The following CNTNAP2 variants were observed in gnomAD, a reference collection of about 807,000 sequenced individuals.
The protein encoded by CNTNAP2 is contactin associated protein 2.
In CNTNAP2, 98 loss-of-function variants were observed where a neutral mutation model predicts 155.2. That is an observed-to-expected ratio of 0.63 (90% CI 0.54 to 0.75). CNTNAP2 has a LOEUF of 0.75. CNTNAP2 is among the 30% of genes least tolerant of loss of function. The pLI is 0.00. For synonymous variants in CNTNAP2, 651 were observed against 631.2 expected (o/e 1.03, Z -0.47); for missense variants, 1,727 against 1,688.1 (o/e 1.02, Z -0.40).
chr7:147,577,649 C>T (rs566842461), intron 12 of CNTNAP2, among the ~76,000 whole-genome samples: 40 of 151,960 alleles, frequency 2.6e-4, no homozygotes, highest in African/African-American at 8.9e-4. Context: ...CTGTCTTTTG[C>T]TTCAATATCT....
intron 8 of CNTNAP2, among the ~76,000 whole-genome samples, chr7:147,255,242 C>T (rs1202564899): frequency 6.6e-6 from 1 of 152,128 alleles, no homozygotes; most frequent in Non-Finnish European, 1.5e-5. Flanking sequence ...CACACAAACA[C>T]ACACAGTCTT....
chr7:146,543,408 C>G (rs1405174), intron 1 of CNTNAP2, among the ~76,000 whole-genome samples: 5,021 of 151,828 alleles, frequency 0.033, 294 homozygotes, highest in African/African-American at 0.11. Flanking sequence ...CCTCATTCCC[C>G]TTTCCATTCA....
chr7:147,456,262 A>G (rs1432219782), intron 10 of CNTNAP2, among the ~76,000 whole-genome samples: 2 of 152,120 alleles, frequency 1.3e-5, no homozygotes, highest in African/African-American at 4.8e-5. Flanking sequence ...AAAGAAAGCA[A>G]TTAGAGGCCT....
chr7:146,422,146 A>G (rs1031414158), intron 1 of CNTNAP2, among the ~76,000 whole-genome samples: 1 of 151,276 alleles, frequency 6.6e-6, no homozygotes, highest in African/African-American at 2.4e-5. Context: ...TTTTACATGC[A>G]TGAATTATAT....
intron 1 of CNTNAP2, among the ~76,000 whole-genome samples, chr7:146,160,812 A>C (rs1798209282): frequency 6.6e-6 from 1 of 152,224 alleles, no homozygotes; most frequent in Admixed American, 6.5e-5. Flanking sequence ...AAACTATTCC[A>C]ATCAACAGAA....
intron 1 of CNTNAP2, among the ~76,000 whole-genome samples, chr7:146,710,399 C>G (rs1342615763): frequency 6.6e-6 from 1 of 152,164 alleles, no homozygotes; most frequent in Non-Finnish European, 1.5e-5. Flanking sequence ...ATTCTCATCC[C>G]TTCATTCTTG....
intron 15 of CNTNAP2, among the ~76,000 whole-genome samples, chr7:148,019,485 A>T (rs2116916237): frequency 6.6e-6 from 1 of 152,172 alleles, no homozygotes; most frequent in South Asian, 2.1e-4. Context: ...TTTGAGACAG[A>T]GTCTAGCTCT....
At chr7:148,087,393 T>G (rs74360286) in intron 15 of CNTNAP2, among the ~76,000 whole-genome samples, 10,609 of 152,250 alleles carry the variant, frequency 0.07, 442 homozygotes, top group South Asian at 0.2. Context: ...ATACCCTATT[T>G]CATTTACCCT....
intron 1 of CNTNAP2, among the ~76,000 whole-genome samples, chr7:146,765,452 A>C (rs1802177894): frequency 6.6e-6 from 1 of 152,202 alleles, no homozygotes; most frequent in African/African-American, 2.4e-5. Context: ...CAATAGTCAA[A>C]ACTAGGAAGC....
intron 13 of CNTNAP2, among the ~76,000 whole-genome samples, chr7:147,752,512 T>C (rs1020148989): frequency 6.6e-5 from 10 of 152,204 alleles, no homozygotes; most frequent in African/African-American, 2.4e-4. Context: ...GGTGAGCTCC[T>C]GTGTGTGTAC....
chr7:147,692,966 G>C (rs1424881232), intron 13 of CNTNAP2, among the ~76,000 whole-genome samples: 1 of 151,948 alleles, frequency 6.6e-6, no homozygotes, highest in Non-Finnish European at 1.5e-5. Flanking sequence ...GAGTTTTATA[G>C]TTTAGCATTT....
chr7:147,876,407 A>G (rs898109608), intron 13 of CNTNAP2, among the ~76,000 whole-genome samples: 2 of 152,148 alleles, frequency 1.3e-5, no homozygotes, highest in African/African-American at 4.8e-5. Flanking sequence ...CAGCCAAAAT[A>G]ATGTTTATTT....
At chr7:147,180,640 A>C (rs1393653946) in intron 8 of CNTNAP2, among the ~76,000 whole-genome samples, 5 of 152,194 alleles carry the variant, frequency 3.3e-5, no homozygotes, top group Admixed American at 6.6e-5. Context: ...GCCATTAAAA[A>C]AATGCATAGT....
chr7:146,288,647 A>C (rs1800377529), intron 1 of CNTNAP2, among the ~76,000 whole-genome samples: 1 of 152,188 alleles, frequency 6.6e-6, no homozygotes, highest in East Asian at 1.9e-4. Flanking sequence ...TTGTTGACTG[A>C]ATAAAGCTGT....
intron 1 of CNTNAP2, among the ~76,000 whole-genome samples, chr7:146,568,802 TG>T (rs939525307): frequency 1.3e-5 from 2 of 152,156 alleles, no homozygotes; most frequent in African/African-American, 4.8e-5. Flanking sequence ...GACTTGTGTT[TG>T]AAACCTGGTT....
At chr7:147,656,033 G>A (rs558876917) in intron 13 of CNTNAP2, among the ~76,000 whole-genome samples, 98 of 152,286 alleles carry the variant, frequency 6.4e-4, no homozygotes, top group African/African-American at 2.1e-3. Context: ...CTCACATTAC[G>A]AAGAAGGCTT....
In CNTNAP2 at chr7:148,387,844, G is replaced by C. The variant is rs1799250743; in HGVS notation, c.3715+3956G>C. On this transcript the variant is annotated intron_variant, in intron 22 of 23. Coordinates refer to ENST00000361727, the MANE Select transcript of CNTNAP2 (RefSeq NM_014141.6). Reference sequence around the variant, plus strand: ...CAACTCCATCTCGAATAGGGGCTGGGTAAAATAAAGCTGAGACCTACTGAA... The same window carrying C: ...CAACTCCATCTCGAATAGGGGCTGGCTAAAATAAAGCTGAGACCTACTGAA... Among the ~76,000 whole-genome samples the C allele has an allele frequency of 2.6e-5, 4 of 151,996 alleles. No homozygotes were observed. In the South Asian group the frequency reaches 8.3e-4, roughly 31 times the overall value.
At chr7:147,029,033 G>C (rs977442831) in intron 3 of CNTNAP2, among the ~76,000 whole-genome samples, 2 of 140,856 alleles carry the variant, frequency 1.4e-5, no homozygotes, top group Non-Finnish European at 3.0e-5. Context: ...GTGCGATCTC[G>C]GCTCACTGCA....
chr7:146,808,379 A>G (rs1803006045), intron 2 of CNTNAP2, among the ~76,000 whole-genome samples: 1 of 152,214 alleles, frequency 6.6e-6, no homozygotes, highest in African/African-American at 2.4e-5. Context: ...TCCAGAATAT[A>G]TTTCAACTAA....
Sources: allele counts gnomAD v4.1 joint callset (sites outside exome capture counted in the v4.1 genomes callset), GRCh38; gene constraint gnomAD v4.1.1; transcripts MANE v1.5; gene names NCBI Gene and HGNC (gene_info 2026-07-23, HGNC 2026-07-21).